LRMDA: variants seen among roughly 807,000 people sequenced by gnomAD.
The protein encoded by LRMDA is leucine rich melanocyte differentiation associated.
Under a neutral mutation model 29.8 loss-of-function variants are expected in LRMDA, and 18 were observed. The observed-to-expected ratio is 0.60, with a 90% confidence interval of 0.42 to 0.90. The LOEUF (loss-of-function observed/expected upper bound fraction) is 0.90. Ranked by LOEUF, LRMDA falls within the 40% of genes least tolerant of loss-of-function variation. LRMDA has a pLI of 0.00. For synonymous variants in LRMDA, 125 were observed against 109.4 expected, an observed-to-expected ratio of 1.14 and a Z score of -0.89; for missense variants, 273 against 273.9, an observed-to-expected ratio of 1.00 and a Z score of 0.02.
intron 2 of LRMDA, among the ~76,000 whole-genome samples, chr10:75,855,162 G>T (rs1332007818): frequency 1.3e-5 from 2 of 152,146 alleles, no homozygotes; most frequent in Non-Finnish European, 2.9e-5. Context: ...CACAAGGGTT[G>T]GACTAGTTTA....
At chr10:76,154,601 C>A (rs1434225460) in intron 5 of LRMDA, among the ~76,000 whole-genome samples, 1 of 152,140 alleles carries the variant, frequency 6.6e-6, no homozygotes, top group Non-Finnish European at 1.5e-5. Context: ...GGAATGCAGT[C>A]TGTGGTACCA....
At chr10:76,315,758 G>A (rs1186067367) in intron 5 of LRMDA, among the ~76,000 whole-genome samples, 1 of 152,146 alleles carries the variant, frequency 6.6e-6, no homozygotes, top group Non-Finnish European at 1.5e-5. Context: ...AGCCAGGGAT[G>A]GCTTGAAGCC....
At chr10:76,440,050 A>C (rs1158535345) in intron 6 of LRMDA, among the ~76,000 whole-genome samples, 1 of 152,198 alleles carries the variant, frequency 6.6e-6, no homozygotes, top group African/African-American at 2.4e-5. Context: ...CTCATGAGCT[A>C]CATTCCTCAA....
chr10:76,215,013 A>G (rs1482275579), intron 5 of LRMDA, among the ~76,000 whole-genome samples: 2 of 152,218 alleles, frequency 1.3e-5, no homozygotes, highest in African/African-American at 4.8e-5. Context: ...TGTTCTTACA[A>G]CCTGCCTGTT....
chr10:75,740,667 A>G (rs965871605), intron 2 of LRMDA, among the ~76,000 whole-genome samples: 1 of 152,106 alleles, frequency 6.6e-6, no homozygotes, highest in African/African-American at 2.4e-5. Context: ...GTATTCTTCA[A>G]ATATCAGGCT....
chr10:76,348,428 G>T (rs1286478012), intron 6 of LRMDA, among the ~76,000 whole-genome samples: 1 of 152,224 alleles, frequency 6.6e-6, no homozygotes, highest in Admixed American at 6.5e-5. Flanking sequence ...AAGTGCTTAA[G>T]CACGTATTTC....
At chr10:76,093,395 T>A (rs1230558969) in intron 5 of LRMDA, among the ~76,000 whole-genome samples, 3 of 151,826 alleles carry the variant, frequency 2.0e-5, no homozygotes, top group African/African-American at 7.3e-5. Flanking sequence ...TCATCAGTCC[T>A]CCCACTGTGA....
At chr10:76,308,698 G>A (rs1432119298) in intron 5 of LRMDA, among the ~76,000 whole-genome samples, 1 of 152,148 alleles carries the variant, frequency 6.6e-6, no homozygotes, top group Non-Finnish European at 1.5e-5. Flanking sequence ...GCACCCATAT[G>A]GCTCACATTT....
intron 5 of LRMDA, among the ~76,000 whole-genome samples, chr10:76,253,910 C>T (rs1395306653): frequency 6.6e-6 from 1 of 152,100 alleles, no homozygotes; most frequent in African/African-American, 2.4e-5. Flanking sequence ...TTACTTTTCA[C>T]TCATCAGTCT....
chr10:75,962,675 A>G (rs1367879648), intron 2 of LRMDA, among the ~76,000 whole-genome samples: 2 of 152,222 alleles, frequency 1.3e-5, no homozygotes, highest in Admixed American at 6.5e-5. Flanking sequence ...GTGAGTGGCT[A>G]TGTGACAAAC....
At chr10:76,221,113 G>A (rs912107565) in intron 5 of LRMDA, among the ~76,000 whole-genome samples, 1 of 151,990 alleles carries the variant, frequency 6.6e-6, no homozygotes, top group Non-Finnish European at 1.5e-5. Flanking sequence ...GTATTGATGG[G>A]ACGTATCTCA....
intron 2 of LRMDA, among the ~76,000 whole-genome samples, chr10:75,490,820 C>CATCA (rs1554894082): frequency 6.6e-6 from 1 of 152,198 alleles, no homozygotes; most frequent in Non-Finnish European, 1.5e-5. Flanking sequence ...ATCACTAATA[C>CATCA]GCCTCTGCTG....
chr10:75,566,312 C>T (rs1256729741), intron 2 of LRMDA, among the ~76,000 whole-genome samples: 1 of 152,164 alleles, frequency 6.6e-6, no homozygotes, highest in Non-Finnish European at 1.5e-5. Flanking sequence ...ACATGCTCAC[C>T]TCCCATTCAC....
chr10:76,085,577 T>TGG (rs1849120564), intron 5 of LRMDA, among the ~76,000 whole-genome samples: 2 of 151,968 alleles, frequency 1.3e-5, no homozygotes, highest in Admixed American at 1.3e-4. Context: ...GGCCCCTACC[T>TGG]CACAGGGATG....
At chr10:75,681,586 G>A (rs1234096830) in intron 2 of LRMDA, among the ~76,000 whole-genome samples, 1 of 152,198 alleles carries the variant, frequency 6.6e-6, no homozygotes, top group Non-Finnish European at 1.5e-5. Context: ...GAGGTCGCAT[G>A]GAGCATGCTC....
intron 2 of LRMDA, among the ~76,000 whole-genome samples, chr10:75,898,768 C>T (rs1359198254): frequency 6.6e-6 from 1 of 152,154 alleles, no homozygotes; most frequent in Non-Finnish European, 1.5e-5. Flanking sequence ...GTCCAAGGTA[C>T]AGACTAATTC....
At chr10:75,948,020 A>C (rs959592040) in intron 2 of LRMDA, among the ~76,000 whole-genome samples, 2 of 152,234 alleles carry the variant, frequency 1.3e-5, no homozygotes, top group African/African-American at 4.8e-5. Flanking sequence ...AAGGGCCTTG[A>C]ATGAAATAAA....
At chr10:76,103,232 C>T (rs1217423187) in intron 5 of LRMDA, among the ~76,000 whole-genome samples, 3 of 152,150 alleles carry the variant, frequency 2.0e-5, no homozygotes, top group African/African-American at 7.2e-5. Context: ...TAAGACTTTC[C>T]TAGCAATTTC....
chr10:75,899,411 C>T (rs1018688745), intron 2 of LRMDA, among the ~76,000 whole-genome samples: 12 of 152,194 alleles, frequency 7.9e-5, no homozygotes, highest in Admixed American at 2.0e-4. Context: ...CAGTGTGCTA[C>T]GTAAAGACAA....
Sources: gnomAD v4.1 joint callset for allele counts (sites outside exome capture counted in the v4.1 genomes callset) on GRCh38, gnomAD v4.1.1 for gene constraint, MANE v1.5 for transcripts, NCBI Gene and HGNC (gene_info 2026-07-23, HGNC 2026-07-21) for gene names.